The following SIN3A variants were observed in gnomAD, a reference collection of about 807,000 sequenced individuals.
The protein encoded by SIN3A is SIN3 transcription regulator family member A, also known as paired amphipathic helix protein Sin3a.
SIN3A carries 14 observed loss-of-function variants against 146.1 expected under a neutral mutation model. The observed-to-expected ratio is 0.10, with a 90% CI of 0.06 to 0.15. The LOEUF is 0.15. Among genes scored for constraint, SIN3A ranks in the 10% least tolerant of loss-of-function variants. The probability of loss-of-function intolerance (pLI) is 1.00; values close to 1 mark genes in which losing one functional copy is unlikely to be tolerated. For synonymous variants in SIN3A, 572 were observed against 572.0 expected (o/e 1.00, Z 0.00); for missense variants, 1,028 against 1,576.0 (o/e 0.65, Z 5.89).
intron 3 of SIN3A, chr15:75,415,100 G>A (rs1372906534): frequency 6.6e-6 from 1 of 152,178 alleles, no homozygotes; most frequent in Non-Finnish European, 1.5e-5. Flanking sequence ...GCAGTGTTGA[G>A]AAAAAATTGG....
intron 1 of SIN3A, among the ~76,000 whole-genome samples, chr15:75,451,096 G>A (rs545103694): frequency 2.6e-5 from 4 of 151,248 alleles, no homozygotes; most frequent in Middle Eastern, 3.4e-3. Flanking sequence ...AGGAGGGGAG[G>A]GGGTGGTCGG....
At chr15:75,405,538 G>A (rs1293164356) in intron 9 of SIN3A, among the ~76,000 whole-genome samples, 2 of 151,998 alleles carry the variant, frequency 1.3e-5, no homozygotes, top group Non-Finnish European at 2.9e-5. Flanking sequence ...ATCACCTGAA[G>A]CCAGGAGTTC....
At chr15:75,435,339 G>A (rs2074088100) in intron 1 of SIN3A, among the ~76,000 whole-genome samples, 1 of 152,130 alleles carries the variant, frequency 6.6e-6, no homozygotes, top group Non-Finnish European at 1.5e-5. Context: ...AAACTATGTA[G>A]GAATCAGAAA....
rs577519855 is a variant in SIN3A, at chr15:75,436,472, A to G, written c.-33-6064T>C. The G allele has an allele frequency of 3.9e-5, 6 of 152,282 alleles. No homozygotes were observed. In the South Asian group the frequency reaches 8.3e-4, roughly 21 times the overall value. 9.4% of individuals were successfully genotyped at this position (152,282 alleles called of 1,614,324 possible). A position where few individuals can be genotyped will look rare whatever the true frequency, so the allele number is the denominator to read the frequency against. On this transcript the variant is annotated intron_variant, in intron 1 of 20. Transcript: ENST00000394947. The stretch of plus-strand genomic sequence containing the variant: ...GACAAAAAAGAAAAATGCTATAAAC[A>G]ATATTAAACTCTAGATAATGATAAA...
intron 17 of SIN3A, among the ~76,000 whole-genome samples, chr15:75,383,309 A>C (rs2073010616): frequency 6.6e-6 from 1 of 151,898 alleles, no homozygotes; most frequent in Non-Finnish European, 1.5e-5. Flanking sequence ...CATTTTGTCC[A>C]GTATAAACTC....
chr15:75,403,748 G>A (rs1399126142), intron 9 of SIN3A, among the ~76,000 whole-genome samples: 1 of 152,042 alleles, frequency 6.6e-6, no homozygotes, highest in East Asian at 1.9e-4. Context: ...GTTTCACCAT[G>A]TTGGCCAGGC....
intron 5 of SIN3A, among the ~76,000 whole-genome samples, chr15:75,412,218 G>T (rs1481979455): frequency 6.6e-6 from 1 of 152,146 alleles, no homozygotes; most frequent in Admixed American, 6.5e-5. Flanking sequence ...TGAGGTTACT[G>T]AGCACTTGAA....
Position 75,394,671 on chromosome 15 carries a change from C to G in SIN3A, c.2277+9G>C, listed in dbSNP as rs747741903. 1 of 1,597,412 alleles carries G rather than the reference C, an allele frequency of 6.3e-7. No homozygotes were observed. Among genetic ancestry groups the G allele is most frequent in the South Asian group, 1.1e-5 (1 of 88,332 alleles). Reference sequence around the variant, plus strand: ...AGTCCTCTCACAGATGCAGAAACCCCCCGCTCACCTCATCATAGATACTCT... The same window carrying G: ...AGTCCTCTCACAGATGCAGAAACCCGCCGCTCACCTCATCATAGATACTCT... On this transcript the variant is annotated intron_variant, in intron 14 of 20. Transcript: ENST00000394947.
rs369182657 is a variant in SIN3A at position 75,428,482 on chromosome 15, TTTTTA to T, written c.189+1700_189+1704del. The stretch of plus-strand genomic sequence containing the variant: ...ATGCACACCACTATGCCTGGCTAAT[TTTTTA>T]TTTATTTTTTCAAATTAATTAATTA... On this transcript the variant is annotated intron_variant, in intron 2 of 20. Coordinates refer to ENST00000394947, the MANE Select transcript of SIN3A (RefSeq NM_001145358.2). Among the ~76,000 whole-genome samples, 40 of 151,906 alleles carry T rather than the reference TTTTTA, an allele frequency of 2.6e-4. 1 individual carries two copies. In the East Asian group the frequency reaches 7.5e-3, roughly 29 times the overall value.
At chr15:75,384,073 G>T in intron 17 of SIN3A, 191 bp downstream of exon 17, 2 of 377,328 alleles carry the variant, frequency 5.3e-6, no homozygotes, top group African/African-American at 2.1e-5. Context: ...TTTCTTTAAA[G>T]GCAGGAAAGA....
At chr15:75,399,916 C>T in intron 12 of SIN3A, 124 bp downstream of exon 12, 1 of 669,212 alleles carries the variant, frequency 1.5e-6, no homozygotes, top group Non-Finnish European at 2.7e-6. Context: ...CCACAACAAG[C>T]ACTTACCATA....
intron 1 of SIN3A, among the ~76,000 whole-genome samples, chr15:75,440,318 C>T (rs1371123361): frequency 6.6e-6 from 1 of 151,452 alleles, no homozygotes; most frequent in Non-Finnish European, 1.5e-5. Context: ...GCAACCTCTG[C>T]CTCCCAGGTT....
At chr15:75,430,076 A>C in intron 2 of SIN3A, 111 bp downstream of exon 2, 1 of 764,456 alleles carries the variant, frequency 1.3e-6, no homozygotes, top group Non-Finnish European at 2.1e-6. Flanking sequence ...TTTACCTTAC[A>C]CATACTCAAC....
intron 9 of SIN3A, among the ~76,000 whole-genome samples, chr15:75,404,904 G>C (rs1382689006): frequency 4.6e-5 from 7 of 152,128 alleles, no homozygotes; most frequent in Admixed American, 4.6e-4. Context: ...GGCAAATGCT[G>C]AGGCCGAAGG....
chr15:75,372,029 T>C lies in SIN3A; in HGVS notation c.3772A>G (p.Ser1258Gly). 1 of 1,614,196 alleles carries C rather than the reference T, an allele frequency of 6.2e-7. No individual in the cohort carries two copies. The highest frequency in any genetic ancestry group is 2.2e-5 in the East Asian group (1 of 44,884). ...TCDTETLHFV[S>G]INKYRVKYGT... ...TATTTGACACGATACTTGTTAATGCTCACAAAATGCAGGGTCTCTGTATCA... is the reference window on the plus strand; with the variant it reads ...TATTTGACACGATACTTGTTAATGCCCACAAAATGCAGGGTCTCTGTATCA... Residue 1258 changes from serine (S) to glycine (G), a missense_variant, in exon 21 of 21, where the codon AGC (serine) becomes GGC (glycine). Transcript: ENST00000394947.
intron 9 of SIN3A, among the ~76,000 whole-genome samples, chr15:75,405,930 G>A (rs959671840): frequency 2.0e-5 from 3 of 152,020 alleles, no homozygotes; most frequent in Non-Finnish European, 2.9e-5. Flanking sequence ...AGCACCAACC[G>A]CCCAAGCAGA....
intron 2 of SIN3A, among the ~76,000 whole-genome samples, chr15:75,429,121 G>A (rs1394127439): frequency 6.6e-6 from 1 of 152,122 alleles, no homozygotes; most frequent in East Asian, 1.9e-4. Flanking sequence ...TTTTAGGGGA[G>A]TCAAAAATTA....
rs2074409834 is a variant in SIN3A, at chr15:75,451,531, C to G, written c.-142G>C. Reference sequence around the variant, plus strand: ...CGGGGCACAGGCCCGCCGAAGCGGACTGCCAGCTACCTCTCCACTAACGAA... The same window carrying G: ...CGGGGCACAGGCCCGCCGAAGCGGAGTGCCAGCTACCTCTCCACTAACGAA... On this transcript the variant is annotated 5_prime_UTR_variant, in exon 1 of 21. Coordinates refer to ENST00000394947, the MANE Select transcript of SIN3A (RefSeq NM_001145358.2). The G allele has an allele frequency of 6.8e-6, 1 of 146,444 alleles. No homozygotes were observed. Among genetic ancestry groups the G allele is most frequent in the Non-Finnish European group, 1.5e-5 (1 of 66,600 alleles). The allele number at this position is 146,444 out of a possible 1,614,324, so 9.1% of individuals were successfully genotyped here.
chr15:75,384,395 C>T lies in SIN3A; in HGVS notation c.3064G>A (p.Asp1022Asn). The change falls in exon 17 of 21, where the codon GAC becomes AAC. Residue 1022 changes from aspartate to asparagine, a missense_variant. Asp to Asn is a conservative substitution (Grantham distance 23). Transcript: ENST00000394947. ...VSDEICVQVT[D>N]LYLAENNNGA... ...TTATTATTTTCTGCCAGGTAAAGGTCAGTCACCTGCACACAGATCTCATCA... is the reference window on the plus strand; with the variant it reads ...TTATTATTTTCTGCCAGGTAAAGGTTAGTCACCTGCACACAGATCTCATCA... The T allele has an allele frequency of 6.2e-7, 1 of 1,613,780 alleles. No individual in the cohort carries two copies. Among genetic ancestry groups the T allele is most frequent in the East Asian group, 2.2e-5 (1 of 44,884 alleles).
Sources: allele counts gnomAD v4.1 joint callset (sites outside exome capture counted in the v4.1 genomes callset), GRCh38; gene constraint gnomAD v4.1.1; transcripts MANE v1.5; gene names NCBI Gene and HGNC (gene_info 2026-07-23, HGNC 2026-07-21).